The following SUSD6 variants were observed in gnomAD, a reference collection of about 807,000 sequenced individuals.
SUSD6 encodes sushi domain-containing protein 6.
Under a neutral mutation model 28.4 loss-of-function variants are expected in SUSD6, and 16 were observed. The observed-to-expected ratio is 0.56, with a 90% CI of 0.38 to 0.86. SUSD6 has a LOEUF of 0.86. Ranked by LOEUF, SUSD6 falls within the 40% of genes least tolerant of loss-of-function variation. SUSD6 has a pLI of 0.00. For missense variants in SUSD6, 341 were observed against 384.2 expected (o/e 0.89, Z 0.94); for synonymous variants, 147 against 159.6 (o/e 0.92, Z 0.59).
intron 2 of SUSD6, among the ~76,000 whole-genome samples, chr14:69,672,118 A>G (rs959034162): frequency 6.6e-6 from 1 of 152,184 alleles, no homozygotes; most frequent in Non-Finnish European, 1.5e-5. Flanking sequence ...TCCACCATCC[A>G]TCCCTGGTTG....
chr14:69,653,436 A>C (rs1196897785), intron 1 of SUSD6, among the ~76,000 whole-genome samples: 1 of 152,200 alleles, frequency 6.6e-6, no homozygotes, highest in African/African-American at 2.4e-5. Flanking sequence ...AGCCTTTTTC[A>C]GATGTGGAAA....
chr14:69,663,372 T>C (rs1198499540), intron 2 of SUSD6, among the ~76,000 whole-genome samples: 2 of 152,250 alleles, frequency 1.3e-5, no homozygotes, highest in African/African-American at 2.4e-5. Context: ...CATCTGCATT[T>C]CTACATGACA....
intron 2 of SUSD6, among the ~76,000 whole-genome samples, chr14:69,665,714 C>G (rs1005915385): frequency 3.9e-5 from 6 of 152,200 alleles, no homozygotes; most frequent in Admixed American, 6.5e-5. Flanking sequence ...AGTATTATAT[C>G]TAGGTACCAT....
At chr14:69,624,154 CTATGTTTAAG>C (rs1885080444) in intron 1 of SUSD6, among the ~76,000 whole-genome samples, 1 of 152,260 alleles carries the variant, frequency 6.6e-6, no homozygotes, top group South Asian at 2.1e-4. Flanking sequence ...TGTATTTTTT[CTATGTTTAAG>C]TATGTTTAGA....
chr14:69,665,321 A>C (rs1250429296), intron 2 of SUSD6, among the ~76,000 whole-genome samples: 2 of 152,084 alleles, frequency 1.3e-5, no homozygotes, highest in African/African-American at 2.4e-5. Context: ...GCTCACCGCA[A>C]CTTCTGCCTC....
chr14:69,621,162 C>T (rs1885034517), intron 1 of SUSD6, among the ~76,000 whole-genome samples: 1 of 152,026 alleles, frequency 6.6e-6, no homozygotes. Flanking sequence ...TTCCTTGTAC[C>T]CCCTCCTGGA....
In SUSD6 at chr14:69,712,416, A is replaced by G. The variant is rs372880290; in HGVS notation, c.*1437A>G. On this transcript the variant is annotated 3_prime_UTR_variant, in exon 6 of 6. Coordinates refer to ENST00000342745, the MANE Select transcript of SUSD6 (RefSeq NM_014734.4). The stretch of plus-strand genomic sequence containing the variant: ...AGGCTGGGGTGGACGAACTCTGCCA[A>G]CTGCTGTCATCTTAGAAGATAGATG... 2 of 152,210 alleles carry G rather than the reference A, an allele frequency of 1.3e-5. No homozygotes were observed. Among genetic ancestry groups the G allele is most frequent in the Admixed American group, 6.5e-5 (1 of 15,272 alleles). The allele number at this position is 152,210 out of a possible 1,614,324, so 9.4% of individuals were successfully genotyped here.
At chr14:69,613,342 T>C (rs1434859388) in intron 1 of SUSD6, among the ~76,000 whole-genome samples, 1 of 152,228 alleles carries the variant, frequency 6.6e-6, no homozygotes, top group African/African-American at 2.4e-5. Context: ...TACTAGATTA[T>C]ACTGCTAGTT....
At chr14:69,700,682 A>G (rs981318356) in intron 2 of SUSD6, among the ~76,000 whole-genome samples, 11 of 152,152 alleles carry the variant, frequency 7.2e-5, no homozygotes, top group African/African-American at 2.7e-4. Flanking sequence ...ATCCTTTCCT[A>G]GGCTCCCCTA....
At chr14:69,619,927 A>G (rs116237362) in intron 1 of SUSD6, among the ~76,000 whole-genome samples, 62 of 152,340 alleles carry the variant, frequency 4.1e-4, no homozygotes, top group African/African-American at 1.4e-3. Flanking sequence ...GGAATCAGCT[A>G]CCCACCTAAA....
chr14:69,641,374 T>A lies in SUSD6; in HGVS notation c.-80-17139T>A, dbSNP rs188772439. On this transcript the variant is annotated intron_variant, in intron 1 of 5. Coordinates refer to ENST00000342745, the MANE Select transcript of SUSD6 (RefSeq NM_014734.4). ...TGCCTTGCTACCTCTCCCCAACCAT[T>A]ACTCCTGTTCTATTAGGCTGCTTGA... is the stretch of plus-strand genomic sequence containing the variant. Among the ~76,000 whole-genome samples, 289 of 152,038 alleles carry A rather than the reference T, an allele frequency of 1.9e-3. 1 individual carries two copies. The highest frequency in any genetic ancestry group is 0.017 in the Middle Eastern group (5 of 294).
chr14:69,694,777 C>T (rs922786413), intron 2 of SUSD6, among the ~76,000 whole-genome samples: 1 of 152,172 alleles, frequency 6.6e-6, no homozygotes, highest in African/African-American at 2.4e-5. Flanking sequence ...CTGGCATTTT[C>T]CCTCTCCTGT....
At chr14:69,689,183 C>G (rs1234299136) in intron 2 of SUSD6, among the ~76,000 whole-genome samples, 1 of 152,076 alleles carries the variant, frequency 6.6e-6, no homozygotes, top group East Asian at 1.9e-4. Flanking sequence ...TGGTCTCTTC[C>G]CCATTGGATT....
chr14:69,638,202 CT>C (rs1410281708), intron 1 of SUSD6, among the ~76,000 whole-genome samples: 3 of 152,070 alleles, frequency 2.0e-5, no homozygotes, highest in African/African-American at 4.8e-5. Context: ...GAGTTTATAC[CT>C]TTCTGTTTAC....
Position 69,708,890 on chromosome 14 carries a change from C to CATCT in SUSD6, c.672_673insATCT (p.Ser225IlefsTer8). 1.9e-6 allele frequency: 3 copies of CATCT among 1,614,180 alleles called. No homozygotes were observed. The highest frequency in any genetic ancestry group is 1.7e-6 in the Non-Finnish European group (2 of 1,180,012). ...AGCTGCCGGACCAAGGGGCCTGCTC[C>CATCT]TCTGCAGGTGGAGAAGATGAGGCCC... On this transcript the variant is annotated frameshift_variant, in exon 5 of 6. Transcript: ENST00000342745. LOFTEE classifies it high-confidence loss of function.
intron 2 of SUSD6, among the ~76,000 whole-genome samples, chr14:69,676,030 A>G (rs1885903047): frequency 6.6e-6 from 1 of 152,210 alleles, no homozygotes; most frequent in Non-Finnish European, 1.5e-5. Flanking sequence ...TTATGTATGC[A>G]TTGGGTCTTG....
chr14:69,708,573 T>TA, intron 4 of SUSD6, 104 bp from the exon 5 acceptor site: 1 of 937,218 alleles, frequency 1.1e-6, no homozygotes, highest in Non-Finnish European at 1.6e-6. Context: ...GCCTGGCACA[T>TA]AGTAAGTGCT....
At chr14:69,639,959 T>TTTTG (rs1885325877) in intron 1 of SUSD6, among the ~76,000 whole-genome samples, 1 of 139,988 alleles carries the variant, frequency 7.1e-6, no homozygotes, top group South Asian at 2.4e-4. Flanking sequence ...CTACACTGTT[T>TTTTG]TTTTTTTTTT....
rs753443458 is a variant in SUSD6 at position 69,708,773 on chromosome 14, T to C, written c.555T>C (p.Ser185=). The C allele has an allele frequency of 1.2e-6, 2 of 1,614,198 alleles. No individual in the cohort carries two copies. Among genetic ancestry groups the C allele is most frequent in the South Asian group, 1.1e-5 (1 of 91,080 alleles). The stretch of plus-strand genomic sequence containing the variant: ...ACGAGGAGGCTGTATATGGCAGTTC[T>C]GGTCACTGTGTGCCACCTGCTGACC... ...PSYEEAVYGS[S]GHCVPPADPR... Residue 185 remains serine (S), a synonymous_variant, in exon 5 of 6, where the codon TCT becomes TCC. Coordinates refer to ENST00000342745, the MANE Select transcript of SUSD6 (RefSeq NM_014734.4).
Sources: allele counts gnomAD v4.1 joint callset (sites outside exome capture counted in the v4.1 genomes callset), GRCh38; gene constraint gnomAD v4.1.1; transcripts MANE v1.5; gene names NCBI Gene and HGNC (gene_info 2026-07-23, HGNC 2026-07-21).